Variants in TTC28 observed in about 807,000 individuals in gnomAD.
The protein encoded by TTC28 is tetratricopeptide repeat domain 28.
Under a neutral mutation model 198.0 loss-of-function variants are expected in TTC28, and 61 were observed. That is an observed-to-expected ratio of 0.31 (90% CI 0.25 to 0.38). The LOEUF (loss-of-function observed/expected upper bound fraction) is 0.38, where lower values mean the gene tolerates loss of function less well. Among genes scored for constraint, TTC28 ranks in the 10% least tolerant of loss-of-function variants. The pLI is 1.00. For missense variants in TTC28, 2,678 were observed against 3,164.0 expected (o/e 0.85, Z 3.69); for synonymous variants, 1,171 against 1,297.8 (o/e 0.90, Z 2.10).
At chr22:27,990,466 G>A (rs1037720797) in intron 20 of TTC28, among the ~76,000 whole-genome samples, 2 of 152,304 alleles carry the variant, frequency 1.3e-5, no homozygotes, top group Admixed American at 6.5e-5. Flanking sequence ...CAGATTTCAG[G>A]GTCTGTGGCC....
At chr22:28,658,678 G>A (rs1216521540) in intron 1 of TTC28, among the ~76,000 whole-genome samples, 2 of 152,114 alleles carry the variant, frequency 1.3e-5, no homozygotes, top group African/African-American at 4.8e-5. Context: ...TGATTAAGAT[G>A]GTAATTTGAC....
chr22:28,614,458 T>C (rs2050869171), intron 2 of TTC28, among the ~76,000 whole-genome samples: 1 of 152,206 alleles, frequency 6.6e-6, no homozygotes, highest in Non-Finnish European at 1.5e-5. Context: ...AAATTTCATA[T>C]GGAACCAAAA....
intron 5 of TTC28, among the ~76,000 whole-genome samples, chr22:28,172,649 T>C (rs921704191): frequency 1.3e-5 from 2 of 152,190 alleles, no homozygotes; most frequent in African/African-American, 4.8e-5. Flanking sequence ...GGAAAGACTA[T>C]TACATTGGCT....
At chr22:28,362,514 A>T (rs546980984) in intron 2 of TTC28, among the ~76,000 whole-genome samples, 1 of 152,328 alleles carries the variant, frequency 6.6e-6, no homozygotes, top group South Asian at 2.1e-4. Flanking sequence ...TCCTGAAAAG[A>T]TAACCAAAAA....
rs916677101 is a variant in TTC28, at chr22:28,477,631, T to C, written c.381+151921A>G. 4.6e-5 allele frequency among the ~76,000 whole-genome samples: 7 copies of C among 152,338 alleles called. No homozygotes were observed. In the East Asian group the frequency reaches 1.2e-3, roughly 25 times the overall value. On this transcript the variant is annotated intron_variant, in intron 2 of 22. Coordinates refer to ENST00000397906, the MANE Select transcript of TTC28 (RefSeq NM_001145418.2). ...AATCATTTACATCATTTGTGGTAGA[T>C]AGATTGCATTAACAGATCCAATGAG...
rs546537799 is a variant in TTC28, at chr22:28,657,377, C to T, written c.102+22245G>A. Among the ~76,000 whole-genome samples the T allele has an allele frequency of 5.3e-5, 8 of 152,282 alleles. No homozygotes were observed. The South Asian group carries it at 1.5e-3, about 28-fold the overall frequency. ...GTAGCTTTACAGAAAAGCAAACTCTCACAGATGGAGGTATTCTTACTCTCT... is the reference window on the plus strand; with the variant it reads ...GTAGCTTTACAGAAAAGCAAACTCTTACAGATGGAGGTATTCTTACTCTCT... On this transcript the variant is annotated intron_variant, in intron 1 of 22. Coordinates refer to ENST00000397906, the MANE Select transcript of TTC28 (RefSeq NM_001145418.2).
chr22:28,416,420 G>A (rs1185219141), intron 2 of TTC28, among the ~76,000 whole-genome samples: 1 of 152,118 alleles, frequency 6.6e-6, no homozygotes, highest in Non-Finnish European at 1.5e-5. Flanking sequence ...CTGATGTGAT[G>A]GAAATTATTT....
At chr22:28,247,035 G>A (rs1930154813) in intron 5 of TTC28, among the ~76,000 whole-genome samples, 2 of 152,180 alleles carry the variant, frequency 1.3e-5, no homozygotes, top group African/African-American at 4.8e-5. Context: ...AGATCTGTCT[G>A]ACCCTGGGCA....
intron 5 of TTC28, among the ~76,000 whole-genome samples, chr22:28,211,021 C>G (rs1926899462): frequency 6.6e-6 from 1 of 152,124 alleles, no homozygotes; most frequent in African/African-American, 2.4e-5. Flanking sequence ...AATTTCATAT[C>G]CAGCCAAACT....
chr22:28,399,559 C>T (rs1007089094), intron 2 of TTC28, among the ~76,000 whole-genome samples: 2 of 151,982 alleles, frequency 1.3e-5, no homozygotes, highest in South Asian at 2.1e-4. Context: ...TTCACCTTGG[C>T]CCCCCAAAGT....
At chr22:28,208,818 A>G (rs368870861) in intron 5 of TTC28, among the ~76,000 whole-genome samples, 139 of 152,212 alleles carry the variant, frequency 9.1e-4, no homozygotes, top group Non-Finnish European at 1.1e-3. Flanking sequence ...ATCTGAAACC[A>G]ATTTCGGCCT....
intron 13 of TTC28, among the ~76,000 whole-genome samples, 179 bp from the exon 14 acceptor site, chr22:28,014,571 A>G (rs777384667): frequency 6.6e-6 from 1 of 152,200 alleles, no homozygotes; most frequent in Non-Finnish European, 1.5e-5. Context: ...TTCACACTAC[A>G]GTGAGCACTG....
At chr22:28,328,200 G>C (rs1390195510) in intron 2 of TTC28, among the ~76,000 whole-genome samples, 1 of 152,182 alleles carries the variant, frequency 6.6e-6, no homozygotes, top group Non-Finnish European at 1.5e-5. Flanking sequence ...GTGAAGCCAA[G>C]GCGGGAGAAT....
At chr22:28,071,059 A>G (rs1940947815) in intron 12 of TTC28, among the ~76,000 whole-genome samples, 1 of 152,068 alleles carries the variant, frequency 6.6e-6, no homozygotes, top group Non-Finnish European at 1.5e-5. Flanking sequence ...GAGGAGAATG[A>G]GTGCTGGACA....
Position 28,098,907 on chromosome 22 carries a change from G to A in TTC28, c.3547+8C>T. 6 of 1,551,502 alleles carry A rather than the reference G, an allele frequency of 3.9e-6. No homozygotes were observed. Among genetic ancestry groups the A allele is most frequent in the South Asian group, 1.2e-5 (1 of 84,046 alleles). The stretch of plus-strand genomic sequence containing the variant: ...ACGTAAGCAAGGAGTAACCCCAGCT[G>A]TTCTCACCTAGGCTGACGAGCACCC... On this transcript the variant is annotated splice_region_variant and intron_variant, in intron 10 of 22. Transcript: ENST00000397906.
intron 2 of TTC28, among the ~76,000 whole-genome samples, chr22:28,505,358 A>T (rs2048596840): frequency 1.3e-5 from 2 of 152,190 alleles, no homozygotes; most frequent in Non-Finnish European, 2.9e-5. Context: ...AAGGAATGAA[A>T]GTGGCGAGTG....
intron 1 of TTC28, among the ~76,000 whole-genome samples, chr22:28,674,590 C>T (rs1191532275): frequency 2.0e-5 from 3 of 151,866 alleles, no homozygotes; most frequent in Non-Finnish European, 2.9e-5. Context: ...GAGGTTGAGG[C>T]GGGTGGATCA....
At chr22:28,493,943 C>T (rs1186785174) in intron 2 of TTC28, among the ~76,000 whole-genome samples, 1 of 152,030 alleles carries the variant, frequency 6.6e-6, no homozygotes, top group African/African-American at 2.4e-5. Flanking sequence ...GATAAGGCAA[C>T]CAAAACAAGG....
intron 2 of TTC28, among the ~76,000 whole-genome samples, chr22:28,418,442 A>G (rs1174776360): frequency 6.6e-6 from 1 of 152,202 alleles, no homozygotes; most frequent in African/African-American, 2.4e-5. Context: ...GCTACAAAAA[A>G]CGCTTAAACT....
Sources: allele counts gnomAD v4.1 joint callset (sites outside exome capture counted in the v4.1 genomes callset), GRCh38; gene constraint gnomAD v4.1.1; transcripts MANE v1.5; gene names NCBI Gene and HGNC (gene_info 2026-07-23, HGNC 2026-07-21).